Variants in USP12 observed in about 807,000 individuals in gnomAD.
USP12 encodes the protein ubiquitin specific peptidase 12.
A neutral mutation model predicts 45.5 loss-of-function variants in USP12; 19 were observed. That is an observed-to-expected ratio of 0.42 (90% CI 0.29 to 0.61). The LOEUF (loss-of-function observed/expected upper bound fraction) is 0.61. Among genes scored for constraint, USP12 ranks in the 20% least tolerant of loss-of-function variants. The pLI is 0.22. For missense variants in USP12, 242 were observed against 447.7 expected (o/e 0.54, Z 4.15); for synonymous variants, 149 against 148.8 (o/e 1.00, Z -0.01).
intron 1 of USP12, among the ~76,000 whole-genome samples, chr13:27,147,454 A>G (rs1877358671): frequency 6.6e-6 from 1 of 152,232 alleles, no homozygotes; most frequent in East Asian, 1.9e-4. Flanking sequence ...TTGATACATT[A>G]TAACTGAGGT....
At chr13:27,170,097 A>T (rs780143969) in intron 1 of USP12, 2 of 386,022 alleles carry the variant, frequency 5.2e-6, no homozygotes, top group Non-Finnish European at 9.1e-6. Flanking sequence ...ACAATTCTCC[A>T]AAATCATTTT....
rs549056242 is a variant in USP12 at position 27,079,900 on chromosome 13, T to C, written c.735-4512A>G. ...TTCCATGCCCTTTTAAAATGTACCA[T>C]CAACAAGGATTAATTGTGACACATT... is the stretch of plus-strand genomic sequence containing the variant. On this transcript the variant is annotated intron_variant, in intron 6 of 8. Transcript: ENST00000282344. 5.9e-5 allele frequency among the ~76,000 whole-genome samples: 9 copies of C among 152,228 alleles called. No individual in the cohort carries two copies. The South Asian group carries it at 1.7e-3, about 28-fold the overall frequency.
rs551028443 is a variant in USP12 at position 27,151,095 on chromosome 13, G to A, written c.48+20497C>T. Among the ~76,000 whole-genome samples, 13 of 152,234 alleles carry A rather than the reference G, an allele frequency of 8.5e-5. No homozygotes were observed. In the South Asian group the frequency reaches 1.9e-3, roughly 22 times the overall value. On this transcript the variant is annotated intron_variant, in intron 1 of 8. Transcript: ENST00000282344. Reference sequence around the variant, plus strand: ...TGTAATCCCAGCACTTTGGGAGGCCGAGGTGGGCAGATCACTTGAGGCCAA... The same window carrying A: ...TGTAATCCCAGCACTTTGGGAGGCCAAGGTGGGCAGATCACTTGAGGCCAA...
At chr13:27,144,115 G>A (rs1566002185) in intron 1 of USP12, among the ~76,000 whole-genome samples, 1 of 151,912 alleles carries the variant, frequency 6.6e-6, no homozygotes, top group Admixed American at 6.6e-5. Flanking sequence ...GAGGTGGGAG[G>A]ATCACTTCAG....
At chr13:27,110,621 G>C (rs1875392249) in intron 2 of USP12, among the ~76,000 whole-genome samples, 1 of 152,136 alleles carries the variant, frequency 6.6e-6, no homozygotes. Context: ...AGGCGCTTAA[G>C]CTTAAGAGGT....
At chr13:27,085,111 C>G (rs904102755) in intron 6 of USP12, among the ~76,000 whole-genome samples, 15 of 151,898 alleles carry the variant, frequency 9.9e-5, no homozygotes, top group Admixed American at 3.3e-4. Context: ...TAAGTTTATT[C>G]CTAAGTATTT....
At chr13:27,123,344 A>G (rs1353630285) in intron 1 of USP12, among the ~76,000 whole-genome samples, 4 of 152,204 alleles carry the variant, frequency 2.6e-5, no homozygotes, top group African/African-American at 7.2e-5. Context: ...CAACATATGA[A>G]TTTATCAGCT....
chr13:27,155,394 T>A (rs1158104669), intron 1 of USP12, among the ~76,000 whole-genome samples: 1 of 152,098 alleles, frequency 6.6e-6, no homozygotes, highest in African/African-American at 2.4e-5. Flanking sequence ...TCCATAACTT[T>A]AGAATAATAA....
chr13:27,110,725 T>A (rs1403821852), intron 2 of USP12, among the ~76,000 whole-genome samples: 1 of 152,232 alleles, frequency 6.6e-6, no homozygotes, highest in Non-Finnish European at 1.5e-5. Context: ...AACTGAATGT[T>A]ACTAAGATTA....
At chr13:27,159,991 A>C (rs1349782898) in intron 1 of USP12, among the ~76,000 whole-genome samples, 2 of 152,372 alleles carry the variant, frequency 1.3e-5, no homozygotes, top group East Asian at 3.9e-4. Flanking sequence ...AAGGAAGTAA[A>C]AACCTGAAAG....
chr13:27,156,292 G>A (rs1380790525), intron 1 of USP12, among the ~76,000 whole-genome samples: 1 of 151,540 alleles, frequency 6.6e-6, no homozygotes, highest in African/African-American at 2.4e-5. Flanking sequence ...CACAAAGGAT[G>A]GAAGAACATG....
chr13:27,109,643 C>T (rs1298645419), intron 2 of USP12, among the ~76,000 whole-genome samples: 2 of 151,946 alleles, frequency 1.3e-5, no homozygotes, highest in Non-Finnish European at 2.9e-5. Context: ...TTTGGCTGGG[C>T]GCAGTGGCTC....
In USP12 at chr13:27,141,414, G is replaced by A. The variant is rs1184142369; in HGVS notation, c.49-24818C>T. 2.6e-5 allele frequency among the ~76,000 whole-genome samples: 4 copies of A among 152,132 alleles called. No homozygotes were observed. The South Asian group carries it at 6.2e-4, about 24-fold the overall frequency. ...TGTAGTAATGAGCACACATAGAATC[G>A]GCATCTTGGTTTCTAAATACCATTC... is the stretch of plus-strand genomic sequence containing the variant. On this transcript the variant is annotated intron_variant, in intron 1 of 8. Transcript: ENST00000282344.
intron 3 of USP12, among the ~76,000 whole-genome samples, chr13:27,096,271 A>T (rs1874578197): frequency 6.6e-6 from 1 of 152,230 alleles, no homozygotes; most frequent in South Asian, 2.1e-4. Context: ...CATCCCAGGG[A>T]TTCTGATTTA....
chr13:27,171,689 G>C lies in USP12; in HGVS notation c.-50C>G. ...ATCACAGCGGCGGCGGCGGGCGGGG[G>C]AGGAGGGGAGCCGGGCCGCCCGCTC... On this transcript the variant is annotated 5_prime_UTR_variant, in exon 1 of 9. Transcript: ENST00000282344. 8.5e-7 allele frequency: 1 copy of C among 1,176,062 alleles called. No individual in the cohort carries two copies. Among genetic ancestry groups the C allele is most frequent in the Non-Finnish European group, 1.1e-6 (1 of 917,682 alleles). The allele number at this position is 1,176,062 out of a possible 1,614,324, so 72.9% of individuals were successfully genotyped here.
At chr13:27,109,057 T>G (rs1875293564) in intron 2 of USP12, among the ~76,000 whole-genome samples, 1 of 152,180 alleles carries the variant, frequency 6.6e-6, no homozygotes, top group African/African-American at 2.4e-5. Context: ...AGGAAAAACA[T>G]TCAAGATTCA....
chr13:27,090,059 A>C, intron 5 of USP12, 23 bp downstream of exon 5: 1 of 1,578,922 alleles, frequency 6.3e-7, no homozygotes, highest in South Asian at 1.2e-5. Context: ...ATTAAATTTC[A>C]AACTAAATAA....
intron 3 of USP12, among the ~76,000 whole-genome samples, chr13:27,104,258 T>G (rs899208141): frequency 5.9e-5 from 9 of 152,174 alleles, no homozygotes; most frequent in African/African-American, 2.2e-4. Flanking sequence ...CTCAAACTCT[T>G]GGGCTCAAGC....
chr13:27,160,997 G>A (rs1175470577), intron 1 of USP12, among the ~76,000 whole-genome samples: 2 of 151,926 alleles, frequency 1.3e-5, no homozygotes, highest in South Asian at 4.1e-4. Context: ...TCCACAAAGC[G>A]TCATCTTTCA....
Sources: allele counts gnomAD v4.1 joint callset (sites outside exome capture counted in the v4.1 genomes callset), GRCh38; gene constraint gnomAD v4.1.1; transcripts MANE v1.5; gene names NCBI Gene and HGNC (gene_info 2026-07-23, HGNC 2026-07-21).